Variants in AK5 observed in about 807,000 individuals in gnomAD.
AK5 encodes the protein adenylate kinase 5.
Under a neutral mutation model 69.5 loss-of-function variants are expected in AK5, and 27 were observed. That is an observed-to-expected ratio of 0.39 (90% CI 0.29 to 0.54). The LOEUF (loss-of-function observed/expected upper bound fraction) is 0.54, where lower values mean the gene tolerates loss of function less well. Among genes scored for constraint, AK5 ranks in the 20% least tolerant of loss-of-function variants. The pLI is 0.71. For synonymous variants in AK5, 260 were observed against 244.4 expected, an observed-to-expected ratio of 1.06 and a Z score of -0.60; for missense variants, 531 against 700.4, an observed-to-expected ratio of 0.76 and a Z score of 2.73.
intron 6 of AK5, among the ~76,000 whole-genome samples, chr1:77,369,212 C>A (rs1443000048): frequency 1.3e-5 from 2 of 152,108 alleles, no homozygotes; most frequent in Admixed American, 6.5e-5. Context: ...GGCTAAATAA[C>A]CTTTCTAAAA....
intron 8 of AK5, among the ~76,000 whole-genome samples, chr1:77,419,356 G>A (rs1007508831): frequency 5.3e-5 from 8 of 152,008 alleles, no homozygotes; most frequent in Admixed American, 1.3e-4. Flanking sequence ...TCACAACAAG[G>A]AAGCCAGCTA....
intron 6 of AK5, among the ~76,000 whole-genome samples, chr1:77,368,241 A>ATATATATATATACGT (rs71075737): frequency 4.3e-5 from 1 of 23,280 alleles, no homozygotes; most frequent in Non-Finnish European, 1.1e-4. Flanking sequence ...ATATATATAT[A>ATATATATATATACGT]TATATATATA....
At chr1:77,282,559 A>G in intron 1 of AK5, 186 bp downstream of exon 1, 1 of 1,374,264 alleles carries the variant, frequency 7.3e-7, no homozygotes. Flanking sequence ...GGTCCTTGTC[A>G]GAAGGCTGGG....
intron 6 of AK5, among the ~76,000 whole-genome samples, chr1:77,355,037 G>GT (rs1320736230): frequency 2.0e-5 from 3 of 151,808 alleles, no homozygotes; most frequent in African/African-American, 7.3e-5. Flanking sequence ...TTATTTTTTC[G>GT]TTTTTTTACC....
chr1:77,557,754 A>G (rs1660183769), intron 13 of AK5, among the ~76,000 whole-genome samples: 1 of 152,044 alleles, frequency 6.6e-6, no homozygotes, highest in Non-Finnish European at 1.5e-5. Flanking sequence ...ACCCCTAGCA[A>G]TGTTTTACCT....
intron 8 of AK5, among the ~76,000 whole-genome samples, chr1:77,480,156 G>GTGTGTGTGTGTGTGTGTA (rs1206468520): frequency 1.3e-5 from 2 of 151,412 alleles, no homozygotes; most frequent in Non-Finnish European, 2.9e-5. Flanking sequence ...GTGTGTGTGT[G>GTGTGTGTGTGTGTGTGTA]TAAGATGCCA....
intron 8 of AK5, among the ~76,000 whole-genome samples, chr1:77,423,381 A>G (rs759946214): frequency 2.6e-5 from 4 of 152,046 alleles, no homozygotes; most frequent in Admixed American, 6.6e-5. Flanking sequence ...GACAGAGGCC[A>G]CCTCTTCTTC....
intron 10 of AK5, among the ~76,000 whole-genome samples, chr1:77,490,260 T>C (rs1655899096): frequency 6.6e-6 from 1 of 152,194 alleles, no homozygotes; most frequent in Admixed American, 6.5e-5. Context: ...ATGAAGCTGC[T>C]ACCCTCTCAC....
At chr1:77,497,655 A>G (rs1312580588) in intron 10 of AK5, among the ~76,000 whole-genome samples, 3 of 152,170 alleles carry the variant, frequency 2.0e-5, no homozygotes, top group Non-Finnish European at 2.9e-5. Flanking sequence ...TGGTGCAATC[A>G]TGGCTCACTG....
At chr1:77,329,121 G>A (rs1267982449) in intron 5 of AK5, among the ~76,000 whole-genome samples, 2 of 150,844 alleles carry the variant, frequency 1.3e-5, no homozygotes, top group Admixed American at 1.3e-4. Context: ...AATAACAGAT[G>A]GAGCGCAGCT....
At chr1:77,479,795 G>C (rs980835185) in intron 8 of AK5, among the ~76,000 whole-genome samples, 1 of 152,138 alleles carries the variant, frequency 6.6e-6, no homozygotes, top group African/African-American at 2.4e-5. Context: ...GGTGACAAAG[G>C]GTGGACTAGA....
intron 13 of AK5, among the ~76,000 whole-genome samples, chr1:77,554,340 C>A (rs1309644158): frequency 1.3e-5 from 2 of 152,288 alleles, no homozygotes; most frequent in East Asian, 1.9e-4. Flanking sequence ...AATCCTGACA[C>A]CTGCTGAGAG....
chr1:77,558,021 CTGAG>C (rs1197701465), intron 13 of AK5, among the ~76,000 whole-genome samples: 4 of 151,776 alleles, frequency 2.6e-5, no homozygotes, highest in South Asian at 2.1e-4. Context: ...GCTTGTATCA[CTGAG>C]TAATATATAT....
chr1:77,413,323 G>A (rs1477972647), intron 7 of AK5, among the ~76,000 whole-genome samples: 3 of 151,948 alleles, frequency 2.0e-5, no homozygotes, highest in African/African-American at 7.3e-5. Context: ...GCCCCATCCT[G>A]CACCTGGCCA....
intron 13 of AK5, among the ~76,000 whole-genome samples, chr1:77,540,132 G>T (rs1203200061): frequency 6.6e-6 from 1 of 152,222 alleles, no homozygotes; most frequent in African/African-American, 2.4e-5. Context: ...GCTAAGGAAA[G>T]TGCAGCAAAA....
chr1:77,322,021 C>T (rs137959817), intron 5 of AK5, among the ~76,000 whole-genome samples: 31 of 152,200 alleles, frequency 2.0e-4, no homozygotes, highest in African/African-American at 7.5e-4. Flanking sequence ...ACAGGGTGAG[C>T]CGTGTCTAGC....
chr1:77,554,886 G>T (rs1660010127), intron 13 of AK5, among the ~76,000 whole-genome samples: 1 of 151,874 alleles, frequency 6.6e-6, no homozygotes, highest in African/African-American at 2.4e-5. Context: ...AAAGTGCTGG[G>T]ATTACAGGCG....
At chr1:77,407,352 A>T (rs1464752266) in intron 6 of AK5, among the ~76,000 whole-genome samples, 1 of 152,324 alleles carries the variant, frequency 6.6e-6, no homozygotes, top group South Asian at 2.1e-4. Context: ...ATATAACAAC[A>T]TTGATGAATC....
intron 6 of AK5, among the ~76,000 whole-genome samples, chr1:77,408,154 G>A (rs960232328): frequency 2.0e-5 from 3 of 152,120 alleles, no homozygotes; most frequent in African/African-American, 4.8e-5. Context: ...CCCAGTAATG[G>A]AATTCCTGGG....
Sources: gnomAD v4.1 joint callset for allele counts (sites outside exome capture counted in the v4.1 genomes callset) on GRCh38, gnomAD v4.1.1 for gene constraint, MANE v1.5 for transcripts, NCBI Gene and HGNC (gene_info 2026-07-23, HGNC 2026-07-21) for gene names.